The following LIN7A variants were observed in gnomAD, a reference collection of about 807,000 sequenced individuals.
The protein encoded by LIN7A is protein lin-7 homolog A.
In LIN7A, 25 loss-of-function variants were observed where a neutral mutation model predicts 29.8. The observed-to-expected ratio is 0.84, with a 90% CI of 0.61 to 1.17. The LOEUF (loss-of-function observed/expected upper bound fraction) is 1.17, where lower values mean the gene tolerates loss of function less well. LIN7A is among the 50% of genes most tolerant of loss of function. The probability of loss-of-function intolerance (pLI) is 0.00; values close to 1 mark genes in which losing one functional copy is unlikely to be tolerated. For synonymous variants in LIN7A, 118 were observed against 107.5 expected (o/e 1.10, Z -0.60); for missense variants, 239 against 287.0 (o/e 0.83, Z 1.21).
chr12:80,853,836 C>T (rs528279554), intron 2 of LIN7A, among the ~76,000 whole-genome samples: 13 of 152,148 alleles, frequency 8.5e-5, no homozygotes, highest in South Asian at 2.1e-4. Flanking sequence ...AGCTTACAGC[C>T]GTCCACCACC....
At chr12:80,926,445 A>G (rs1877585795) in intron 1 of LIN7A, among the ~76,000 whole-genome samples, 1 of 152,200 alleles carries the variant, frequency 6.6e-6, no homozygotes. Flanking sequence ...ATTTAGAAAT[A>G]GGATCATTGA....
At position 80,914,519 on chromosome 12, in the gene LIN7A, TCAAA is replaced by T. The variant is rs1356616502; in HGVS notation, c.82+23118_82+23121del. ...TAGTTCACTTCCTTACTCAGAATTTTCAAACACTCTCAATCAAACACTCCCATCA... is the reference window on the plus strand; with the variant it reads ...TAGTTCACTTCCTTACTCAGAATTTTCACTCTCAATCAAACACTCCCATCA... On this transcript the variant is annotated intron_variant, in intron 1 of 5. Coordinates refer to ENST00000552864, the MANE Select transcript of LIN7A (RefSeq NM_004664.4). 2.0e-5 allele frequency among the ~76,000 whole-genome samples: 3 copies of T among 152,316 alleles called. No individual in the cohort carries two copies. The East Asian group carries it at 5.8e-4, about 29-fold the overall frequency.
At chr12:80,893,116 AT>A (rs1157543032) in intron 1 of LIN7A, among the ~76,000 whole-genome samples, 1 of 152,138 alleles carries the variant, frequency 6.6e-6, no homozygotes, top group African/African-American at 2.4e-5. Flanking sequence ...GAATGAAATG[AT>A]TTTTTTAGGT....
At chr12:80,896,017 C>T (rs749890351) in intron 1 of LIN7A, among the ~76,000 whole-genome samples, 4 of 152,190 alleles carry the variant, frequency 2.6e-5, no homozygotes, top group Non-Finnish European at 4.4e-5. Flanking sequence ...GAGCAGGTGA[C>T]TTTAAAGGTG....
intron 4 of LIN7A, among the ~76,000 whole-genome samples, chr12:80,833,590 T>C (rs1394758837): frequency 6.6e-6 from 1 of 152,182 alleles, no homozygotes. Context: ...CACTTTCAAA[T>C]GTTAAGTCCG....
chr12:80,861,671 G>C (rs1873891421), intron 2 of LIN7A, among the ~76,000 whole-genome samples: 1 of 152,240 alleles, frequency 6.6e-6, no homozygotes, highest in Admixed American at 6.5e-5. Context: ...GGGAGCCACT[G>C]ATCCTTGGTT....
chr12:80,887,097 CA>C (rs2120630859), intron 2 of LIN7A, among the ~76,000 whole-genome samples: 1 of 152,216 alleles, frequency 6.6e-6, no homozygotes. Flanking sequence ...TTCAATTGTT[CA>C]AGCCCAAACC....
intron 5 of LIN7A, among the ~76,000 whole-genome samples, chr12:80,805,814 G>T (rs1341671040): frequency 6.6e-6 from 1 of 151,922 alleles, no homozygotes; most frequent in Non-Finnish European, 1.5e-5. Flanking sequence ...GGTCTTTCCT[G>T]TGCTGTTCTT....
intron 1 of LIN7A, among the ~76,000 whole-genome samples, chr12:80,908,335 T>G (rs966479779): frequency 2.0e-5 from 3 of 152,072 alleles, no homozygotes; most frequent in African/African-American, 2.4e-5. Flanking sequence ...ATATCGATGT[T>G]AAATGGTTAT....
At chr12:80,840,707 G>C (rs1181262577) in intron 4 of LIN7A, among the ~76,000 whole-genome samples, 8 of 152,204 alleles carry the variant, frequency 5.3e-5, no homozygotes, top group Admixed American at 5.2e-4. Flanking sequence ...CTGCCTCAGA[G>C]TGTAAGGCAG....
chr12:80,863,878 G>T (rs1364893019), intron 2 of LIN7A, among the ~76,000 whole-genome samples: 1 of 149,226 alleles, frequency 6.7e-6, no homozygotes, highest in Non-Finnish European at 1.5e-5. Flanking sequence ...GCTAACTAAT[G>T]AATGATGAAA....
At chr12:80,815,975 C>G (rs192866547) in intron 4 of LIN7A, among the ~76,000 whole-genome samples, 40 of 152,238 alleles carry the variant, frequency 2.6e-4, no homozygotes, top group Non-Finnish European at 4.7e-4. Flanking sequence ...GAAATGTTAC[C>G]TACCCCAAAA....
chr12:80,855,247 G>A (rs539301977), intron 2 of LIN7A, among the ~76,000 whole-genome samples: 1 of 152,250 alleles, frequency 6.6e-6, no homozygotes, highest in African/African-American at 2.4e-5. Flanking sequence ...ATGGGAAAAT[G>A]ATGAGGTCTA....
chr12:80,927,587 G>A (rs1877672487), intron 1 of LIN7A, among the ~76,000 whole-genome samples: 1 of 152,196 alleles, frequency 6.6e-6, no homozygotes, highest in African/African-American at 2.4e-5. Flanking sequence ...TGTGATTCAA[G>A]CTGGCATTTA....
chr12:80,884,573 C>A (rs891413143), intron 2 of LIN7A, among the ~76,000 whole-genome samples: 1 of 152,108 alleles, frequency 6.6e-6, no homozygotes, highest in Non-Finnish European at 1.5e-5. Context: ...TAGCTTCTTC[C>A]ACTCACATGT....
In LIN7A at chr12:80,793,927, A is replaced by G. The variant is rs1323328173; in HGVS notation, c.*3800T>C. The G allele has an allele frequency of 6.6e-6, 1 of 152,176 alleles. No homozygotes were observed. Among genetic ancestry groups the G allele is most frequent in the Admixed American group, 6.5e-5 (1 of 15,268 alleles). The allele number at this position is 152,176 out of a possible 1,614,324, so 9.4% of individuals were successfully genotyped here. A position where few individuals can be genotyped will look rare whatever the true frequency, so the allele number is the denominator to read the frequency against. ...TCAGGAAGCTTGTATAAAGAACTAG[A>G]AAGGTTGAGTTCAACTCAGCATAAA... On this transcript the variant is annotated 3_prime_UTR_variant, in exon 6 of 6. Coordinates refer to ENST00000552864, the MANE Select transcript of LIN7A (RefSeq NM_004664.4).
chr12:80,873,004 T>G (rs1222875172), intron 2 of LIN7A, among the ~76,000 whole-genome samples: 1 of 152,210 alleles, frequency 6.6e-6, no homozygotes, highest in East Asian at 1.9e-4. Flanking sequence ...TGTCTCCATA[T>G]GGGCTTATAT....
At chr12:80,811,061 G>T (rs1166917728) in intron 5 of LIN7A, among the ~76,000 whole-genome samples, 1 of 152,188 alleles carries the variant, frequency 6.6e-6, no homozygotes, top group African/African-American at 2.4e-5. Flanking sequence ...TTAATACACT[G>T]TGTAAAGGCA....
At chr12:80,819,270 TATG>T (rs937726191) in intron 4 of LIN7A, among the ~76,000 whole-genome samples, 2 of 152,232 alleles carry the variant, frequency 1.3e-5, no homozygotes, top group African/African-American at 2.4e-5. Flanking sequence ...AAAAGAATTT[TATG>T]ATGTTTCATC....
Sources: gnomAD v4.1 joint callset for allele counts (sites outside exome capture counted in the v4.1 genomes callset) on GRCh38, gnomAD v4.1.1 for gene constraint, MANE v1.5 for transcripts, NCBI Gene and HGNC (gene_info 2026-07-23, HGNC 2026-07-21) for gene names.